The following RAD50 variants were observed in gnomAD, a reference collection of about 807,000 sequenced individuals.
RAD50 encodes the protein DNA repair protein RAD50.
In RAD50, 132 loss-of-function variants were observed where a neutral mutation model predicts 168.8. The observed-to-expected ratio is 0.78, with a 90% CI of 0.68 to 0.90. RAD50 has a LOEUF of 0.90. Ranked by LOEUF, RAD50 falls within the 40% of genes least tolerant of loss-of-function variation. The pLI, the probability that RAD50 is intolerant of heterozygous loss-of-function variation, is 0.00. For missense variants in RAD50, 1,347 were observed against 1,534.4 expected (o/e 0.88, Z 2.04); for synonymous variants, 525 against 497.4 (o/e 1.06, Z -0.74).
Position 132,615,189 on chromosome 5 carries a change from T to G in RAD50, c.3037-814T>G, listed in dbSNP as rs553326082. Among the ~76,000 whole-genome samples, 8 of 152,358 alleles carry G rather than the reference T, an allele frequency of 5.3e-5. No individual in the cohort carries two copies. In the South Asian group the frequency reaches 1.7e-3, roughly 32 times the overall value. ...AACTTAAAAACTGTTTTCTAATGAT[T>G]GTCTCTTGACAACATAGTTCATTTT... is the stretch of plus-strand genomic sequence containing the variant. On this transcript the variant is annotated intron_variant, in intron 19 of 24. Coordinates refer to ENST00000378823, the MANE Select transcript of RAD50 (RefSeq NM_005732.4).
chr5:132,603,429 G>A lies in RAD50; in HGVS notation c.2337G>A (p.Met779Ile), dbSNP rs1032014108. 2 of 1,613,844 alleles carry A rather than the reference G, an allele frequency of 1.2e-6. No homozygotes were observed. The highest frequency in any genetic ancestry group is 1.7e-6 in the Non-Finnish European group (2 of 1,179,916). Residue 779 changes from methionine to isoleucine, a missense_variant, in exon 14 of 25, where the codon ATG becomes ATA. Transcript: ENST00000378823. ...AAGAAACACTCTTGGGTACAATAAT[G>A]CCTGAAGAAGAAAGTGCCAAAGTAT... ...EEQETLLGTI[M>I]PEEESAKVCL...
chr5:132,637,938 GAGAA>G, intron 22 of RAD50, 139 bp from the exon 23 acceptor site: 2 of 955,568 alleles, frequency 2.1e-6, no homozygotes, highest in East Asian at 2.6e-5. Flanking sequence ...CTCCCAGCCA[GAGAA>G]AGAGTTTCCA....
intron 19 of RAD50, among the ~76,000 whole-genome samples, chr5:132,615,203 A>G (rs1320527109): frequency 2.6e-5 from 4 of 152,232 alleles, no homozygotes; most frequent in Admixed American, 6.5e-5. Flanking sequence ...TCTTGACAAC[A>G]TAGTTCATTT....
At chr5:132,611,103 A>G (rs2149850711) in intron 19 of RAD50, among the ~76,000 whole-genome samples, 1 of 152,296 alleles carries the variant, frequency 6.6e-6, no homozygotes, top group East Asian at 1.9e-4. Context: ...TCAAATAAAG[A>G]GAGGAGGCCA....
chr5:132,559,649 G>T (rs1750085562), intron 2 of RAD50, among the ~76,000 whole-genome samples: 1 of 152,138 alleles, frequency 6.6e-6, no homozygotes, highest in African/African-American at 2.4e-5. Flanking sequence ...TCATCTGGGT[G>T]TTTGGTATGT....
chr5:132,638,487 C>A (rs1207074029), intron 23 of RAD50, among the ~76,000 whole-genome samples: 1 of 103,330 alleles, frequency 9.7e-6, no homozygotes, highest in African/African-American at 3.0e-5. Context: ...AGCTGAAGAC[C>A]CGTTAGAGTT....
chr5:132,557,724 A>T (rs1298380241), intron 1 of RAD50, among the ~76,000 whole-genome samples: 2 of 152,170 alleles, frequency 1.3e-5, no homozygotes, highest in East Asian at 1.9e-4. Flanking sequence ...CTCAGAGTTC[A>T]GTTCCCACTG....
At chr5:132,581,350 C>A (rs577704439) in intron 5 of RAD50, among the ~76,000 whole-genome samples, 66 of 152,208 alleles carry the variant, frequency 4.3e-4, no homozygotes, top group African/African-American at 1.6e-3. Context: ...GAACTCCCGA[C>A]CTCAAGTGAT....
At chr5:132,572,807 A>T (rs1750329845) in intron 2 of RAD50, among the ~76,000 whole-genome samples, 2 of 152,288 alleles carry the variant, frequency 1.3e-5, no homozygotes, top group East Asian at 3.9e-4. Flanking sequence ...TCAGCATCTA[A>T]CTTTTTGTAG....
chr5:132,621,909 C>T (rs952030626), intron 21 of RAD50, among the ~76,000 whole-genome samples: 2 of 152,140 alleles, frequency 1.3e-5, no homozygotes, highest in East Asian at 1.9e-4. Context: ...GGGGATTTTT[C>T]ATACATTATC....
At chr5:132,605,098 G>A (rs1398615917) in intron 16 of RAD50, 99 bp downstream of exon 16, 5 of 902,870 alleles carry the variant, frequency 5.5e-6, no homozygotes, top group Middle Eastern at 3.7e-4. Flanking sequence ...AGGCTGGAGT[G>A]CAGTAGCACG....
intron 13 of RAD50, among the ~76,000 whole-genome samples, chr5:132,600,404 G>T (rs577060847): frequency 6.6e-6 from 1 of 152,288 alleles, no homozygotes; most frequent in African/African-American, 2.4e-5. Context: ...ATTCTAGGCA[G>T]TGCAAAATCT....
At chr5:132,595,230 A>G (rs1181599674) in intron 12 of RAD50, 186 bp downstream of exon 12, 3 of 651,096 alleles carry the variant, frequency 4.6e-6, no homozygotes, top group East Asian at 2.8e-5. Context: ...CCTGTGTTTC[A>G]TTGTCTATAA....
At chr5:132,629,748 T>G (rs1751431386) in intron 21 of RAD50, among the ~76,000 whole-genome samples, 1 of 152,164 alleles carries the variant, frequency 6.6e-6, no homozygotes, top group African/African-American at 2.4e-5. Flanking sequence ...CGTTCAGCTG[T>G]CTATTTAAGG....
In RAD50 at chr5:132,644,023, T is replaced by C; in HGVS notation, c.*1659T>C. The C allele has an allele frequency of 4.5e-6, 1 of 220,500 alleles. No homozygotes were observed. Among genetic ancestry groups the C allele is most frequent in the Non-Finnish European group, 9.1e-6 (1 of 109,990 alleles). The allele number at this position is 220,500 out of a possible 1,614,324, so 13.7% of individuals were successfully genotyped here. A position where few individuals can be genotyped will look rare whatever the true frequency, so the allele number is the denominator to read the frequency against. ...GCTAAATCAAAATTAAACAGTCATC[T>C]TAACTGCAAAATAAAACATTTCTCA... On this transcript the variant is annotated 3_prime_UTR_variant, in exon 25 of 25. Coordinates refer to ENST00000378823, the MANE Select transcript of RAD50 (RefSeq NM_005732.4).
In RAD50 at chr5:132,587,565, C is replaced by T. The variant is rs555367432; in HGVS notation, c.760C>T (p.Arg254Cys). ...YENELDPLKN[R>C]LKEIEHNLSK... The stretch of plus-strand genomic sequence containing the variant: ...TGTAATGTTTCTTTATTTTCAGAAT[C>T]GTCTAAAAGAAATTGAACATAATCT... The change falls in exon 6 of 25, where the codon CGT becomes TGT. Residue 254 changes from arginine (R) to cysteine (C), a missense_variant. Arg to Cys is a radical substitution (Grantham distance 180, BLOSUM62 -3). Coordinates refer to ENST00000378823, the MANE Select transcript of RAD50 (RefSeq NM_005732.4). The T allele has an allele frequency of 1.9e-5, 31 of 1,612,140 alleles. No homozygotes were observed. Among genetic ancestry groups the T allele is most frequent in the African/African-American group, 1.7e-4 (13 of 74,842 alleles).
chr5:132,639,396 A>G (rs1240162939), intron 23 of RAD50, among the ~76,000 whole-genome samples: 9 of 151,600 alleles, frequency 5.9e-5, no homozygotes, highest in Non-Finnish European at 1.2e-4. Context: ...TATATGTATT[A>G]TGTTGTCAGC....
chr5:132,614,831 GA>G (rs895323868), intron 19 of RAD50, among the ~76,000 whole-genome samples: 16 of 145,430 alleles, frequency 1.1e-4, no homozygotes, highest in Non-Finnish European at 1.7e-4. Flanking sequence ...TGTTAAAAAA[GA>G]AAAAAAAAAC....
intron 19 of RAD50, among the ~76,000 whole-genome samples, chr5:132,612,010 T>G (rs193193085): frequency 4.3e-4 from 66 of 152,310 alleles, no homozygotes; most frequent in Admixed American, 2.6e-3. Flanking sequence ...TTTTTCCACT[T>G]CTAGGTATAG....
Sources: gnomAD v4.1 joint callset for allele counts (sites outside exome capture counted in the v4.1 genomes callset) on GRCh38, gnomAD v4.1.1 for gene constraint, MANE v1.5 for transcripts, NCBI Gene and HGNC (gene_info 2026-07-23, HGNC 2026-07-21) for gene names.